Variants in PTPRD observed in about 807,000 individuals in gnomAD.
The protein encoded by PTPRD is receptor-type tyrosine-protein phosphatase delta.
In PTPRD, 34 loss-of-function variants were observed where a neutral mutation model predicts 214.5. The observed-to-expected ratio is 0.16, with a 90% CI of 0.12 to 0.21. PTPRD has a LOEUF of 0.21. Ranked by LOEUF, PTPRD falls within the 10% of genes least tolerant of loss-of-function variation. The probability of loss-of-function intolerance (pLI) is 1.00; values close to 1 mark genes in which losing one functional copy is unlikely to be tolerated. For synonymous variants in PTPRD, 1,128 were observed against 845.7 expected, an observed-to-expected ratio of 1.33 and a Z score of -5.79; for missense variants, 2,545 against 2,398.7, an observed-to-expected ratio of 1.06 and a Z score of -1.27.
At chr9:10,450,333 T>A (rs972137591) in intron 2 of PTPRD, among the ~76,000 whole-genome samples, 2 of 152,032 alleles carry the variant, frequency 1.3e-5, no homozygotes, top group African/African-American at 2.4e-5. Context: ...AAATGCATCA[T>A]GTATATGCCA....
At position 8,557,746 on chromosome 9, in the gene PTPRD, A is replaced by T. The variant is rs58358627; in HGVS notation, c.353-28967T>A. Among the ~76,000 whole-genome samples the T allele has an allele frequency of 5.6e-3, 507 of 91,178 alleles. 1 individual carries two copies. Among genetic ancestry groups the T allele is most frequent in the Middle Eastern group, 0.02 (4 of 202 alleles). 59.8% of individuals were successfully genotyped at this position (91,178 alleles called of 152,430 possible). A position where few individuals can be genotyped will look rare whatever the true frequency, so the allele number is the denominator to read the frequency against. On this transcript the variant is annotated intron_variant, in intron 14 of 45. Transcript: ENST00000381196. ...TGACAGAGCGAGACTGTCTCTCAATAAAAAAAAAAAAAAAAAAAAAAGAAA... is the reference window on the plus strand; with the variant it reads ...TGACAGAGCGAGACTGTCTCTCAATTAAAAAAAAAAAAAAAAAAAAAGAAA...
chr9:10,301,899 C>T (rs1188604085), intron 3 of PTPRD, among the ~76,000 whole-genome samples: 2 of 152,102 alleles, frequency 1.3e-5, no homozygotes, highest in East Asian at 3.9e-4. Context: ...GGCCAACATT[C>T]AAATTCAGGA....
intron 2 of PTPRD, among the ~76,000 whole-genome samples, chr9:10,471,150 TG>T (rs2099028486): frequency 1.2e-5 from 1 of 81,580 alleles, no homozygotes; most frequent in Non-Finnish European, 2.5e-5. Context: ...TGTTGTGGGT[TG>T]GGGGCTAGGG....
At position 8,341,942 on chromosome 9, in the gene PTPRD, T is replaced by A. The variant is rs2132524755; in HGVS notation, c.4698A>T (p.Ile1566=). 6.2e-7 allele frequency: 1 copy of A among 1,612,668 alleles called. No homozygotes were observed. Among genetic ancestry groups the A allele is most frequent in the Non-Finnish European group, 8.5e-7 (1 of 1,179,410 alleles). ...GVGRTGCFIV[I]DAMLERIKHE... ...GCTTTATTCTTTCTAACATGGCATC[T>A]ATGACGATGAAGCAACCAGTCCGGC... Residue 1566 remains isoleucine, a synonymous_variant, in exon 40 of 46, where the codon ATA becomes ATT. Transcript: ENST00000381196.
chr9:8,645,903 C>G (rs72700303), intron 12 of PTPRD, among the ~76,000 whole-genome samples: 1 of 151,932 alleles, frequency 6.6e-6, no homozygotes, highest in African/African-American at 2.4e-5. Context: ...ACCTAACAGC[C>G]TCAGCCTCCT....
chr9:9,013,553 CTCTT>C (rs1456227502), intron 11 of PTPRD, among the ~76,000 whole-genome samples: 3 of 152,114 alleles, frequency 2.0e-5, no homozygotes, highest in Non-Finnish European at 4.4e-5. Context: ...AGCAACAAGT[CTCTT>C]TCTCTTTCTT....
chr9:9,676,841 C>A (rs559557058), intron 7 of PTPRD, among the ~76,000 whole-genome samples: 54 of 152,250 alleles, frequency 3.5e-4, no homozygotes, highest in Admixed American at 3.0e-3. Flanking sequence ...GATGGTATCT[C>A]ATTGTGGTTT....
At chr9:10,545,520 T>C (rs1055484098) in intron 2 of PTPRD, among the ~76,000 whole-genome samples, 5 of 152,192 alleles carry the variant, frequency 3.3e-5, no homozygotes, top group African/African-American at 1.2e-4. Context: ...ATCCCTTGTT[T>C]ATTTATTGAT....
At chr9:8,648,031 C>A (rs866731380) in intron 12 of PTPRD, among the ~76,000 whole-genome samples, 24 of 152,210 alleles carry the variant, frequency 1.6e-4, no homozygotes, top group African/African-American at 5.5e-4. Flanking sequence ...CATTCCAGAA[C>A]AGCATGCAAT....
At chr9:9,173,526 T>C (rs1046086833) in intron 10 of PTPRD, among the ~76,000 whole-genome samples, 4 of 152,110 alleles carry the variant, frequency 2.6e-5, no homozygotes, top group African/African-American at 9.7e-5. Context: ...TGTAGCTATA[T>C]GGTATAGCCT....
At chr9:9,343,785 C>T (rs2047751186) in intron 9 of PTPRD, among the ~76,000 whole-genome samples, 1 of 151,250 alleles carries the variant, frequency 6.6e-6, no homozygotes, top group South Asian at 2.1e-4. Flanking sequence ...CAAATATATT[C>T]TTTTTAAAAA....
intron 2 of PTPRD, among the ~76,000 whole-genome samples, chr9:10,475,573 C>A (rs1342469043): frequency 6.6e-6 from 1 of 151,534 alleles, no homozygotes; most frequent in Non-Finnish European, 1.5e-5. Flanking sequence ...GAGCTGGTAC[C>A]ATTACTTCTG....
chr9:9,321,471 C>T (rs1966480055), intron 9 of PTPRD, among the ~76,000 whole-genome samples: 2 of 151,428 alleles, frequency 1.3e-5, no homozygotes, highest in African/African-American at 2.4e-5. Context: ...AAGAGAATGG[C>T]TTGAACCTGG....
intron 4 of PTPRD, among the ~76,000 whole-genome samples, chr9:9,988,450 T>G (rs1212018594): frequency 6.6e-6 from 1 of 152,176 alleles, no homozygotes; most frequent in East Asian, 1.9e-4. Flanking sequence ...CTGATTTCCT[T>G]GAAGACAACA....
intron 3 of PTPRD, among the ~76,000 whole-genome samples, chr9:10,200,869 G>C (rs530457634): frequency 6.6e-6 from 1 of 152,160 alleles, no homozygotes; most frequent in South Asian, 2.1e-4. Context: ...AAAATACTAA[G>C]AAGAACCAGG....
intron 14 of PTPRD, among the ~76,000 whole-genome samples, chr9:8,603,972 G>A (rs1223291165): frequency 6.6e-6 from 1 of 152,118 alleles, no homozygotes; most frequent in Admixed American, 6.5e-5. Context: ...TCTCCTACCT[G>A]TCCTGGAAAC....
chr9:10,089,467 T>G (rs55817711), intron 3 of PTPRD, among the ~76,000 whole-genome samples: 5,744 of 151,650 alleles, frequency 0.038, 374 homozygotes, highest in African/African-American at 0.13. Flanking sequence ...ATTATTGTAG[T>G]AATACCATAA....
At chr9:8,357,458 C>A (rs2077260767) in intron 39 of PTPRD, among the ~76,000 whole-genome samples, 1 of 152,056 alleles carries the variant, frequency 6.6e-6, no homozygotes. Flanking sequence ...GACTGGAACC[C>A]CTGAAGAGGG....
At chr9:9,555,356 A>T (rs528069129) in intron 8 of PTPRD, among the ~76,000 whole-genome samples, 19 of 152,188 alleles carry the variant, frequency 1.2e-4, no homozygotes, top group African/African-American at 3.9e-4. Flanking sequence ...AACATCACAC[A>T]TTATTGACTG....
Sources: allele counts gnomAD v4.1 joint callset (sites outside exome capture counted in the v4.1 genomes callset), GRCh38; gene constraint gnomAD v4.1.1; transcripts MANE v1.5; gene names NCBI Gene and HGNC (gene_info 2026-07-23, HGNC 2026-07-21).